The following CYLD variants were observed in gnomAD, a reference collection of about 807,000 sequenced individuals.
CYLD encodes the protein ubiquitin carboxyl-terminal hydrolase CYLD.
In CYLD, 26 loss-of-function variants were observed where a neutral mutation model predicts 104.5. That is an observed-to-expected ratio of 0.25 (90% CI 0.18 to 0.35). The LOEUF is 0.35. CYLD is among the 10% of genes least tolerant of loss of function. The pLI is 1.00. For missense variants in CYLD, 703 were observed against 1,136.1 expected (o/e 0.62, Z 5.48); for synonymous variants, 385 against 399.9 (o/e 0.96, Z 0.45).
At chr16:50,769,469 C>T (rs769668115) in intron 5 of CYLD, among the ~76,000 whole-genome samples, 21 of 152,132 alleles carry the variant, frequency 1.4e-4, no homozygotes, top group Non-Finnish European at 2.8e-4. Context: ...ATCTGTATAT[C>T]TTCTTTGGTT....
intron 14 of CYLD, among the ~76,000 whole-genome samples, chr16:50,788,302 T>C (rs938661558): frequency 6.6e-6 from 1 of 152,154 alleles, no homozygotes; most frequent in Non-Finnish European, 1.5e-5. Context: ...CCACCCACCA[T>C]GTTGAATGAA....
At chr16:50,780,140 T>A (rs1039684409) in intron 9 of CYLD, 96 bp downstream of exon 9, 2 of 1,445,448 alleles carry the variant, frequency 1.4e-6, no homozygotes, top group Admixed American at 3.4e-5. Flanking sequence ...CTGTTATATT[T>A]GTCAGAAAAG....
Position 50,794,599 on chromosome 16 carries a change from A to G in CYLD, c.2686+171A>G, listed in dbSNP as rs1971794977. The G allele has an allele frequency of 1.4e-6, 1 of 702,166 alleles. No homozygotes were observed. Among genetic ancestry groups the G allele is most frequent in the Non-Finnish European group, 2.5e-6 (1 of 397,620 alleles). The allele number at this position is 702,166 out of a possible 1,614,324, so 43.5% of individuals were successfully genotyped here. A position where few individuals can be genotyped will look rare whatever the true frequency, so the allele number is the denominator to read the frequency against. ...TTGCATTAACAACCTTGCTAGCTGAACTAAGGAATAATATGCTGTGTTTTT... is the reference window on the plus strand; with the variant it reads ...TTGCATTAACAACCTTGCTAGCTGAGCTAAGGAATAATATGCTGTGTTTTT... On this transcript the variant is annotated intron_variant, in intron 18 of 18. Coordinates refer to ENST00000427738, the MANE Select transcript of CYLD (RefSeq NM_001378743.1). The surrounding 1 kb of genome is among the most constrained non-coding windows in gnomAD (Gnocchi z 4.1).
intron 7 of CYLD, among the ~76,000 whole-genome samples, chr16:50,777,281 G>A (rs531789354): frequency 3.0e-4 from 45 of 152,160 alleles, no homozygotes; most frequent in African/African-American, 8.9e-4. Flanking sequence ...GCCCTCTCAC[G>A]TATAATAAAT....
At chr16:50,763,708 T>G (rs1376560894) in intron 5 of CYLD, among the ~76,000 whole-genome samples, 2 of 152,202 alleles carry the variant, frequency 1.3e-5, no homozygotes, top group Non-Finnish European at 2.9e-5. Context: ...CAGTTTTGCC[T>G]CTTCTGAATT....
At chr16:50,793,920 ATTT>A (rs34233862) in intron 17 of CYLD, among the ~76,000 whole-genome samples, 1 of 131,044 alleles carries the variant, frequency 7.6e-6, no homozygotes. Flanking sequence ...CATTAATGAC[ATTT>A]TTTTTTTTTT....
chr16:50,782,609 A>G, intron 11 of CYLD, 143 bp downstream of exon 11: 1 of 815,166 alleles, frequency 1.2e-6, no homozygotes, highest in East Asian at 2.6e-5. Flanking sequence ...ACTGTGGGTC[A>G]GGATTGAAAG....
chr16:50,763,029 T>C (rs919495905), intron 5 of CYLD, among the ~76,000 whole-genome samples: 4 of 152,210 alleles, frequency 2.6e-5, no homozygotes, highest in African/African-American at 4.8e-5. Context: ...TCCCAAACCC[T>C]TCATCCTTGT....
rs1972342193 is a variant in CYLD at position 50,799,989 on chromosome 16, T to C, written c.*3481T>C. ...GACAGAATATCTATTAAAGGCTACT[T>C]AGCTGAAGGGTAAGGGTGACAGGTC... is the stretch of plus-strand genomic sequence containing the variant. On this transcript the variant is annotated 3_prime_UTR_variant, in exon 19 of 19. Coordinates refer to ENST00000427738, the MANE Select transcript of CYLD (RefSeq NM_001378743.1). The C allele has an allele frequency of 4.3e-6, 1 of 233,134 alleles. No individual in the cohort carries two copies. The highest frequency in any genetic ancestry group is 8.5e-6 in the Non-Finnish European group (1 of 117,952). The allele number at this position is 233,134 out of a possible 1,614,324, so 14.4% of individuals were successfully genotyped here. A position where few individuals can be genotyped will look rare whatever the true frequency, so the allele number is the denominator to read the frequency against.
intron 8 of CYLD, among the ~76,000 whole-genome samples, chr16:50,779,379 A>G (rs1045187239): frequency 6.6e-6 from 1 of 152,112 alleles, no homozygotes; most frequent in East Asian, 1.9e-4. Flanking sequence ...TGCCTTCTCA[A>G]TTAATTGTAT....
chr16:50,791,080 T>C (rs774624558), intron 14 of CYLD, among the ~76,000 whole-genome samples: 3 of 152,228 alleles, frequency 2.0e-5, no homozygotes, highest in Non-Finnish European at 4.4e-5. Flanking sequence ...TGCTGAGAAG[T>C]CATTCTCCTT....
intron 5 of CYLD, among the ~76,000 whole-genome samples, chr16:50,763,283 G>C (rs11859047): frequency 0.012 from 1,864 of 152,156 alleles, 43 homozygotes; most frequent in African/African-American, 0.043. Flanking sequence ...TAGATATTTA[G>C]GTTTTTTTTT....
Position 50,793,570 on chromosome 16 carries a change from G to T in CYLD, c.2375G>T (p.Gly792Val), listed in dbSNP as rs1406187548. ...GCTCCCAGACAGTGCCGGATATGTG[G>T]AGGGCTTGCAATGTATGAGTGTAGA... Reference protein sequence around the residue: ...EDTPRQCRICGGLAMYECREC... With the variant: ...EDTPRQCRICVGLAMYECREC... The change falls in exon 17 of 19, where the codon GGA becomes GTA. Residue 792 changes from glycine (G) to valine (V), a missense_variant. By Grantham distance (109) the Gly-to-Val change is moderately radical (BLOSUM62 -3). Coordinates refer to ENST00000427738, the MANE Select transcript of CYLD (RefSeq NM_001378743.1). 6.2e-7 allele frequency: 1 copy of T among 1,613,534 alleles called. No homozygotes were observed. The highest frequency in any genetic ancestry group is 8.5e-7 in the Non-Finnish European group (1 of 1,179,694).
intron 16 of CYLD, 93 bp from the exon 17 acceptor site, chr16:50,793,453 T>G: frequency 3.3e-6 from 3 of 905,368 alleles, no homozygotes; most frequent in Non-Finnish European, 5.6e-6. Context: ...ACATTGTCCT[T>G]TTTAAAGCCT....
chr16:50,793,403 T>G, intron 16 of CYLD, 143 bp from the exon 17 acceptor site: 1 of 757,372 alleles, frequency 1.3e-6, no homozygotes, highest in Non-Finnish European at 2.4e-6. Flanking sequence ...ACTGAGAGCT[T>G]AAGCAGATGG....
chr16:50,795,627 G>T, intron 18 of CYLD: 1 of 702,850 alleles, frequency 1.4e-6, no homozygotes, highest in South Asian at 1.5e-5. Context: ...GCAGCCTCTT[G>T]AACAGAGGCC....
chr16:50,761,483 T>C (rs1313156197), intron 5 of CYLD, among the ~76,000 whole-genome samples: 1 of 152,220 alleles, frequency 6.6e-6, no homozygotes, highest in Non-Finnish European at 1.5e-5. Context: ...CTCATCTCTG[T>C]TCTCTGCTCT....
intron 8 of CYLD, among the ~76,000 whole-genome samples, chr16:50,778,624 C>T (rs186958593): frequency 2.6e-5 from 4 of 152,158 alleles, no homozygotes; most frequent in East Asian, 1.9e-4. Context: ...AGAACTTCCT[C>T]GGGAGAAGAA....
At chr16:50,743,549 A>G (rs1433984005) in intron 2 of CYLD, among the ~76,000 whole-genome samples, 1 of 152,216 alleles carries the variant, frequency 6.6e-6, no homozygotes, top group African/African-American at 2.4e-5. Context: ...AGCAGCAATG[A>G]TTTTTATAGT....
Sources: gnomAD v4.1 joint callset for allele counts (sites outside exome capture counted in the v4.1 genomes callset) on GRCh38, gnomAD v4.1.1 for gene constraint, Gnocchi (gnomAD v3.1) non-coding constraint, MANE v1.5 for transcripts, NCBI Gene and HGNC (gene_info 2026-07-23, HGNC 2026-07-21) for gene names.